PSD3: variants seen among roughly 807,000 people sequenced by gnomAD.
PSD3 encodes pleckstrin and Sec7 domain containing 3.
A neutral mutation model predicts 105.5 loss-of-function variants in PSD3; 49 were observed. The ratio of observed to expected loss-of-function variants is 0.46; its 90% CI spans 0.37 to 0.59. The LOEUF is 0.59. Among genes scored for constraint, PSD3 ranks in the 20% least tolerant of loss-of-function variants. PSD3 has a pLI of 0.00. For synonymous variants in PSD3, 557 were observed against 457.8 expected, an observed-to-expected ratio of 1.22 and a Z score of -2.77; for missense variants, 1,561 against 1,263.8, an observed-to-expected ratio of 1.24 and a Z score of -3.57.
At chr8:18,852,568 TTCACAAAGTGCTGATGGACCTGCGGTAA>T (rs1408994800) in intron 4 of PSD3, among the ~76,000 whole-genome samples, 1 of 152,206 alleles carries the variant, frequency 6.6e-6, no homozygotes, top group East Asian at 1.9e-4. Flanking sequence ...CACAGATGTT[TTCACAAAGTGCTGATGGACCTGCGGTAA>T]TCTACCCATT....
At chr8:18,958,921 T>G (rs1306875285) in intron 1 of PSD3, among the ~76,000 whole-genome samples, 3 of 114,142 alleles carry the variant, frequency 2.6e-5, no homozygotes, top group African/African-American at 7.7e-5. Flanking sequence ...TAAGTGGTGT[T>G]TTTTTTTTTT....
intron 13 of PSD3, 105 bp downstream of exon 13, chr8:18,575,023 T>A (rs1192374715): frequency 8.1e-7 from 1 of 1,240,000 alleles, no homozygotes. Flanking sequence ...TGACTTTGAT[T>A]CCAACTCAAA....
intron 12 of PSD3, among the ~76,000 whole-genome samples, chr8:18,598,647 T>A (rs1380401601): frequency 6.6e-6 from 1 of 152,102 alleles, no homozygotes; most frequent in Non-Finnish European, 1.5e-5. Flanking sequence ...TGATCTTATA[T>A]GTAGAAAACC....
Position 18,871,714 on chromosome 8 carries a change from G to A in PSD3, c.1150C>T (p.Leu384Phe), listed in dbSNP as rs754426473. The stretch of plus-strand genomic sequence containing the variant: ...ACTTCATCCTCTCCACTCTCATCAA[G>A]ACGCACAGGGGAAAATGTCCCCGAG... The part of the protein sequence containing the change: ...TSSGTFSPVR[L>F]DESGEDEVFL... Residue 384 changes from leucine (L) to phenylalanine (F), a missense_variant, in exon 3 of 16, where the codon CTT becomes TTT. Transcript: ENST00000327040. 16 of 1,614,042 alleles carry A rather than the reference G, an allele frequency of 9.9e-6. No homozygotes were observed. In the Admixed American group the frequency reaches 1.0e-4, roughly 10 times the overall value.
rs1244037289 is a variant in PSD3, at chr8:18,801,339, G to A, written c.1954C>T (p.Arg652Ter). ...AFSLVGETQERERVLIHFSNR... is the reference protein window; with the variant it reads ...AFSLVGETQE ...GAGAAGTGTATTAAAACTCTCTCTC[G>A]TTCTTGAGTTTCTCCCACAAGAGAG... The change falls in exon 7 of 16, where the codon CGA (arginine) becomes TGA (stop). Residue 652 changes from arginine (R) to a stop codon, truncating the protein, a stop_gained. Coordinates refer to ENST00000327040, the MANE Select transcript of PSD3 (RefSeq NM_015310.4). LOFTEE classifies it high-confidence loss of function. 2.5e-6 allele frequency: 4 copies of A among 1,608,112 alleles called. No homozygotes were observed. The highest frequency in any genetic ancestry group is 1.3e-5 in the African/African-American group (1 of 74,716).
chr8:18,835,559 C>T (rs1342366646), intron 4 of PSD3, among the ~76,000 whole-genome samples: 2 of 152,104 alleles, frequency 1.3e-5, no homozygotes, highest in African/African-American at 2.4e-5. Context: ...AAGTAAAATA[C>T]GTAGTACGTT....
intron 4 of PSD3, among the ~76,000 whole-genome samples, chr8:18,837,455 G>A (rs1356140380): frequency 6.6e-6 from 1 of 152,166 alleles, no homozygotes; most frequent in African/African-American, 2.4e-5. Flanking sequence ...GTAGGAGCAA[G>A]TTCAATAAAA....
intron 1 of PSD3, among the ~76,000 whole-genome samples, chr8:19,006,775 A>G (rs576963561): frequency 1.1e-4 from 17 of 152,222 alleles, no homozygotes; most frequent in Admixed American, 3.9e-4. Flanking sequence ...GATGCTATTC[A>G]GACATTTTTC....
At chr8:18,881,737 T>C (rs1478997078) in intron 2 of PSD3, among the ~76,000 whole-genome samples, 1 of 152,240 alleles carries the variant, frequency 6.6e-6, no homozygotes, top group Non-Finnish European at 1.5e-5. Flanking sequence ...TAAAAGGTTT[T>C]TGTTTTGTCT....
intron 12 of PSD3, among the ~76,000 whole-genome samples, chr8:18,578,789 G>A (rs1451978193): frequency 6.6e-6 from 1 of 151,680 alleles, no homozygotes; most frequent in East Asian, 1.9e-4. Flanking sequence ...AAAGCTAACA[G>A]TAATTGTCAC....
intron 1 of PSD3, among the ~76,000 whole-genome samples, chr8:18,937,574 A>T (rs1421091647): frequency 6.6e-6 from 1 of 152,212 alleles, no homozygotes; most frequent in Non-Finnish European, 1.5e-5. Flanking sequence ...TAGCGTGCAC[A>T]ACATTCAGAC....
rs533457201 is a variant in PSD3 at position 18,714,215 on chromosome 8, A to G, written c.2172+51234T>C. ...AGGCAATACCATTCAGGACATACGC[A>G]TGGGCAAAGATTTTATGATGAAAAT... On this transcript the variant is annotated intron_variant, in intron 9 of 15. Coordinates refer to ENST00000327040, the MANE Select transcript of PSD3 (RefSeq NM_015310.4). Among the ~76,000 whole-genome samples, 10 of 152,322 alleles carry G rather than the reference A, an allele frequency of 6.6e-5. No homozygotes were observed. The South Asian group carries it at 2.1e-3, about 32-fold the overall frequency.
chr8:19,042,569 G>C (rs751217), intron 1 of PSD3, among the ~76,000 whole-genome samples: 1 of 152,124 alleles, frequency 6.6e-6, no homozygotes, highest in Non-Finnish European at 1.5e-5. Context: ...CTGGATACCA[G>C]TGAAATTTGT....
intron 4 of PSD3, among the ~76,000 whole-genome samples, chr8:18,817,058 T>C (rs1307214154): frequency 6.6e-6 from 1 of 152,150 alleles, no homozygotes; most frequent in Non-Finnish European, 1.5e-5. Flanking sequence ...AAGTTTTAAG[T>C]GATGGCCCAG....
chr8:19,009,957 C>T (rs543371744), intron 1 of PSD3, among the ~76,000 whole-genome samples: 1 of 152,192 alleles, frequency 6.6e-6, no homozygotes, highest in South Asian at 2.1e-4. Flanking sequence ...TCAGAAGACC[C>T]GTGTGAAAAT....
In PSD3 at chr8:18,700,547, C is replaced by T. The variant is rs192522948; in HGVS notation, c.2173-44862G>A. Among the ~76,000 whole-genome samples the T allele has an allele frequency of 2.5e-3, 383 of 152,282 alleles. 1 individual carries two copies. The highest frequency in any genetic ancestry group is 6.0e-3 in the African/African-American group (248 of 41,554). On this transcript the variant is annotated intron_variant, in intron 9 of 15. Coordinates refer to ENST00000327040, the MANE Select transcript of PSD3 (RefSeq NM_015310.4). Reference sequence around the variant, plus strand: ...AATATTTGAGAAAATCAACAATGTGCTTCCGGAGCTAAGAATAAGCATAAG... The same window carrying T: ...AATATTTGAGAAAATCAACAATGTGTTTCCGGAGCTAAGAATAAGCATAAG...
chr8:18,573,553 C>G (rs541580678), intron 13 of PSD3, among the ~76,000 whole-genome samples: 2 of 131,528 alleles, frequency 1.5e-5, no homozygotes, highest in African/African-American at 5.7e-5. Context: ...GGGAAACAAT[C>G]CAAATTGTCC....
At chr8:18,669,805 G>A (rs1332872996) in intron 9 of PSD3, among the ~76,000 whole-genome samples, 2 of 152,132 alleles carry the variant, frequency 1.3e-5, no homozygotes, top group East Asian at 3.8e-4. Context: ...TATAGCATAT[G>A]GTATAAGTAT....
intron 9 of PSD3, among the ~76,000 whole-genome samples, chr8:18,658,606 T>A (rs112499486): frequency 3.8e-5 from 5 of 131,226 alleles, no homozygotes; most frequent in Admixed American, 3.8e-4. Context: ...CACTGCAGCC[T>A]CAAAATCCTG....
Sources: allele counts gnomAD v4.1 joint callset (sites outside exome capture counted in the v4.1 genomes callset), GRCh38; gene constraint gnomAD v4.1.1; transcripts MANE v1.5; gene names NCBI Gene and HGNC (gene_info 2026-07-23, HGNC 2026-07-21).